The following PDE10A variants were observed in gnomAD, a reference collection of about 807,000 sequenced individuals.
PDE10A encodes phosphodiesterase 10A, also known as cAMP and cAMP-inhibited cGMP 3',5'-cyclic phosphodiesterase 10A.
A neutral mutation model predicts 97.7 loss-of-function variants in PDE10A; 39 were observed. That is an observed-to-expected ratio of 0.40 (90% CI 0.31 to 0.52). PDE10A has a LOEUF of 0.52. Among genes scored for constraint, PDE10A ranks in the 20% least tolerant of loss-of-function variants. The probability of loss-of-function intolerance (pLI) is 0.56; values close to 1 mark genes in which losing one functional copy is unlikely to be tolerated. For missense variants in PDE10A, 731 were observed against 1,047.8 expected (o/e 0.70, Z 4.17); for synonymous variants, 371 against 376.8 (o/e 0.98, Z 0.18).
chr6:165,700,783 A>T (rs1791551836), intron 1 of PDE10A, among the ~76,000 whole-genome samples: 1 of 152,258 alleles, frequency 6.6e-6, no homozygotes, highest in Admixed American at 6.5e-5. Flanking sequence ...GCGGTCCTCC[A>T]GAGAAGAAGT....
intron 1 of PDE10A, among the ~76,000 whole-genome samples, chr6:165,586,850 T>C (rs892287701): frequency 3.9e-5 from 6 of 152,172 alleles, no homozygotes; most frequent in African/African-American, 1.4e-4. Context: ...CAGCAGTCTT[T>C]CTTATATAAC....
intron 16 of PDE10A, among the ~76,000 whole-genome samples, chr6:165,392,243 G>T (rs566844682): frequency 1.3e-5 from 2 of 152,308 alleles, no homozygotes; most frequent in East Asian, 1.9e-4. Context: ...CCTTATGCTA[G>T]AGGAGGTCAA....
intron 1 of PDE10A, among the ~76,000 whole-genome samples, chr6:165,681,242 C>A (rs1337816545): frequency 6.6e-6 from 1 of 152,234 alleles, no homozygotes; most frequent in Non-Finnish European, 1.5e-5. Context: ...AGATGGTCAA[C>A]AAATATATTT....
intron 1 of PDE10A, among the ~76,000 whole-genome samples, chr6:165,983,625 A>G (rs1466568991): frequency 5.3e-5 from 8 of 152,204 alleles, no homozygotes; most frequent in African/African-American, 4.8e-5. Flanking sequence ...TATACTCTCA[A>G]TGGTTGAAAT....
chr6:165,476,604 C>T (rs1345008789), intron 3 of PDE10A, among the ~76,000 whole-genome samples: 1 of 152,006 alleles, frequency 6.6e-6, no homozygotes, highest in Non-Finnish European at 1.5e-5. Context: ...GCATAATACC[C>T]TGAACTAAAA....
chr6:165,451,240 C>A (rs1247099798), intron 3 of PDE10A, among the ~76,000 whole-genome samples: 4 of 152,128 alleles, frequency 2.6e-5, no homozygotes, highest in Non-Finnish European at 5.9e-5. Flanking sequence ...CATCATGGCA[C>A]CAGTGGAAAC....
At chr6:165,637,247 A>C (rs535751068) in intron 1 of PDE10A, among the ~76,000 whole-genome samples, 1 of 152,296 alleles carries the variant, frequency 6.6e-6, no homozygotes, top group East Asian at 1.9e-4. Context: ...GTGGAACGGC[A>C]AAGAATCACA....
chr6:165,747,301 T>A (rs192326683), intron 1 of PDE10A, among the ~76,000 whole-genome samples: 19 of 152,300 alleles, frequency 1.2e-4, no homozygotes, highest in African/African-American at 4.6e-4. Context: ...TACATAGGCT[T>A]CCAAGTGAAG....
At chr6:165,540,259 T>G (rs1349428732) in intron 2 of PDE10A, among the ~76,000 whole-genome samples, 1 of 152,144 alleles carries the variant, frequency 6.6e-6, no homozygotes, top group Non-Finnish European at 1.5e-5. Flanking sequence ...CAAATATAAA[T>G]CCTTTTGAAA....
In PDE10A at chr6:165,671,129, G is replaced by A. The variant is rs971724841; in HGVS notation, c.-614-127561C>T. Among the ~76,000 whole-genome samples, 8 of 133,194 alleles carry A rather than the reference G, an allele frequency of 6.0e-5. No homozygotes were observed. The highest frequency in any genetic ancestry group is 2.9e-4 in the Admixed American group (4 of 13,602). The allele number at this position is 133,194 out of a possible 152,430, so 87.4% of individuals were successfully genotyped here. A position where few individuals can be genotyped will look rare whatever the true frequency, so the allele number is the denominator to read the frequency against. On this transcript the variant is annotated intron_variant, in intron 1 of 19. Transcript: ENST00000366882. This position sits in a 1 kb window ranked among gnomAD's most constrained non-coding sequence, Gnocchi z 4.6. Reference sequence around the variant, plus strand: ...TAGAATCACCCTTTTTGGGTAAAACGTTCACTAATTTTTTTTTTTTTAAGA... The same window carrying A: ...TAGAATCACCCTTTTTGGGTAAAACATTCACTAATTTTTTTTTTTTTAAGA...
chr6:165,360,660 G>C (rs1783349579), intron 18 of PDE10A, among the ~76,000 whole-genome samples: 1 of 152,154 alleles, frequency 6.6e-6, no homozygotes, highest in Non-Finnish European at 1.5e-5. Context: ...GCCATCCTAT[G>C]GTGAGACAAA....
chr6:165,898,040 A>G (rs1782004463), intron 1 of PDE10A, among the ~76,000 whole-genome samples: 1 of 132,634 alleles, frequency 7.5e-6, no homozygotes, highest in East Asian at 2.3e-4. Context: ...TGCCTCCCAC[A>G]TCGTGGCAAG....
chr6:165,619,092 G>A (rs2128406228), intron 1 of PDE10A, among the ~76,000 whole-genome samples: 2 of 151,790 alleles, frequency 1.3e-5, no homozygotes, highest in South Asian at 4.2e-4. Context: ...GTGTAGTCTA[G>A]TGTAGTGTAG....
At chr6:165,348,880 G>A (rs1346797551) in intron 18 of PDE10A, among the ~76,000 whole-genome samples, 3 of 152,084 alleles carry the variant, frequency 2.0e-5, no homozygotes, top group African/African-American at 7.2e-5. Context: ...TCTCTCTCCT[G>A]CTGCCACGTG....
intron 2 of PDE10A, among the ~76,000 whole-genome samples, chr6:165,529,759 G>A (rs143463867): frequency 1.1e-3 from 164 of 152,288 alleles, no homozygotes; most frequent in Non-Finnish European, 2.0e-3. Context: ...TGCATCTCCT[G>A]TTGTACGAAG....
At chr6:165,556,965 C>G (rs990071232) in intron 1 of PDE10A, among the ~76,000 whole-genome samples, 1 of 151,944 alleles carries the variant, frequency 6.6e-6, no homozygotes, top group South Asian at 2.1e-4. Context: ...AATGGTAAAC[C>G]CTGTCTCTAC....
chr6:165,746,517 C>T (rs951883633), intron 1 of PDE10A, among the ~76,000 whole-genome samples: 2 of 152,224 alleles, frequency 1.3e-5, no homozygotes, highest in African/African-American at 4.8e-5. Flanking sequence ...GGGCTTTTCC[C>T]AGAGATACAA....
At chr6:165,604,567 T>C (rs1787120749) in intron 1 of PDE10A, among the ~76,000 whole-genome samples, 1 of 148,716 alleles carries the variant, frequency 6.7e-6, no homozygotes. Flanking sequence ...CATGCAGAGA[T>C]AGCTACACAA....
intron 1 of PDE10A, among the ~76,000 whole-genome samples, chr6:165,566,083 T>C (rs1366268770): frequency 1.3e-5 from 2 of 152,176 alleles, no homozygotes; most frequent in Non-Finnish European, 2.9e-5. Flanking sequence ...TGATAAGTTG[T>C]ACTTCAGTAA....
Sources: allele counts gnomAD v4.1 joint callset (sites outside exome capture counted in the v4.1 genomes callset), GRCh38; gene constraint gnomAD v4.1.1; non-coding constraint Gnocchi (gnomAD v3.1); transcripts MANE v1.5; gene names NCBI Gene and HGNC (gene_info 2026-07-23, HGNC 2026-07-21).